The following ARHGEF1 variants were observed in gnomAD, a reference collection of about 807,000 sequenced individuals.
ARHGEF1 encodes 115 kDa guanine nucleotide exchange factor.
A neutral mutation model predicts 119.7 loss-of-function variants in ARHGEF1; 40 were observed. The ratio of observed to expected loss-of-function variants is 0.33; its 90% confidence interval spans 0.26 to 0.44. The LOEUF is 0.44. ARHGEF1 is among the 20% of genes least tolerant of loss of function. The pLI is 1.00. For missense variants in ARHGEF1, 976 were observed against 1,268.3 expected, an observed-to-expected ratio of 0.77 and a Z score of 3.50; for synonymous variants, 494 against 521.0, an observed-to-expected ratio of 0.95 and a Z score of 0.71.
In ARHGEF1 at chr19:41,904,893, G is replaced by T; in HGVS notation, c.2162-56G>T. On this transcript the variant is annotated intron_variant, in intron 22 of 28. Coordinates refer to ENST00000354532, the MANE Select transcript of ARHGEF1 (RefSeq NM_004706.4). The surrounding 1 kb of genome is among the most constrained non-coding windows in gnomAD (Gnocchi z 8.4). The stretch of plus-strand genomic sequence containing the variant: ...GACTTCTCCAGCTTGTGCTTAGGGA[G>T]GGGCAGGCACTGGGGGGACCTGGGC... The T allele has an allele frequency of 4.1e-6, 6 of 1,469,446 alleles. No individual in the cohort carries two copies. Among genetic ancestry groups the T allele is most frequent in the Non-Finnish European group, 5.7e-6 (6 of 1,049,518 alleles). The allele number at this position is 1,469,446 out of a possible 1,614,324, so 91.0% of individuals were successfully genotyped here.
At position 41,902,192 on chromosome 19, in the gene ARHGEF1, C is replaced by G; in HGVS notation, c.1415-82C>G. On this transcript the variant is annotated intron_variant, in intron 15 of 28. Coordinates refer to ENST00000354532, the MANE Select transcript of ARHGEF1 (RefSeq NM_004706.4). The surrounding 1 kb of genome is among the most constrained non-coding windows in gnomAD (Gnocchi z 6.5). ...GATCAGACACAGACACACCTGCAGC[C>G]CTACCCCCACCACACCGCAGCAGGC... 1 of 1,576,186 alleles carries G rather than the reference C, an allele frequency of 6.3e-7. No homozygotes were observed. Among genetic ancestry groups the G allele is most frequent in the Non-Finnish European group, 8.7e-7 (1 of 1,150,204 alleles).
At position 41,904,461 on chromosome 19, in the gene ARHGEF1, C is replaced by A; in HGVS notation, c.2161+78C>A. The stretch of plus-strand genomic sequence containing the variant: ...GCTGCCTGTGGAGTGGGGAGCAGAA[C>A]CCTCTAGAGAGCCAGGGAGCCAGCA... On this transcript the variant is annotated intron_variant, in intron 22 of 28. Coordinates refer to ENST00000354532, the MANE Select transcript of ARHGEF1 (RefSeq NM_004706.4). This position sits in a 1 kb window ranked among gnomAD's most constrained non-coding sequence, Gnocchi z 8.4. 7.0e-7 allele frequency: 1 copy of A among 1,432,528 alleles called. No individual in the cohort carries two copies. 88.7% of individuals were successfully genotyped at this position (1,432,528 alleles called of 1,614,324 possible).
At chr19:41,896,651 C>T (rs1350765885) in intron 13 of ARHGEF1, 169 bp downstream of exon 13, 3 of 707,948 alleles carry the variant, frequency 4.2e-6, no homozygotes, top group Non-Finnish European at 7.7e-6. Context: ...TTCCTTTTCT[C>T]ATCTCCCTCC....
downstream of ARHGEF1, among the ~76,000 whole-genome samples, chr19:41,911,927 C>T (rs780232180): frequency 1.8e-4 from 27 of 151,926 alleles, no homozygotes; most frequent in Non-Finnish European, 2.9e-4. Flanking sequence ...ATGGACCCTA[C>T]GCTGAAAACC....
rs781867501 is a variant in ARHGEF1, at chr19:41,897,346, G to C, written c.1121+864G>C. Reference sequence around the variant, plus strand: ...GAAGAGGTGGGTGCCTGGGCCCTGGGTGGGGGAAGGGCTAGCCCCTCCCCC... The same window carrying C: ...GAAGAGGTGGGTGCCTGGGCCCTGGCTGGGGGAAGGGCTAGCCCCTCCCCC... On this transcript the variant is annotated intron_variant, in intron 13 of 28. Transcript: ENST00000354532. 5 of 1,257,172 alleles carry C rather than the reference G, an allele frequency of 4.0e-6. No homozygotes were observed. In the South Asian group the frequency reaches 6.4e-5, roughly 16 times the overall value. The allele number at this position is 1,257,172 out of a possible 1,614,324, so 77.9% of individuals were successfully genotyped here. A position where few individuals can be genotyped will look rare whatever the true frequency, so the allele number is the denominator to read the frequency against.
chr19:41,906,551 G>A lies in ARHGEF1; in HGVS notation c.2586G>A (p.Leu862=). 11 of 1,588,324 alleles carry A rather than the reference G, an allele frequency of 6.9e-6. No homozygotes were observed. Among genetic ancestry groups the A allele is most frequent in the Non-Finnish European group, 7.7e-6 (9 of 1,173,500 alleles). ...ATGGGGTCCCAGGGGGCGGCCCCCT[G>A]AGCCCAGCACGGACCCAGGAAATCC... The part of the protein sequence containing the change: ...DGDGVPGGGP[L]SPARTQEIQE... The change falls in exon 27 of 29, where the codon CTG becomes CTA. Residue 862 remains leucine, a synonymous_variant. Coordinates refer to ENST00000354532, the MANE Select transcript of ARHGEF1 (RefSeq NM_004706.4). The surrounding 1 kb of genome is among the most constrained non-coding windows in gnomAD (Gnocchi z 4.5).
rs1555847084 is a variant in ARHGEF1 at position 41,894,477 on chromosome 19, G to C, written c.771G>C (p.Glu257Asp). ...TGATGGGGAACCGGCGGTCGGACGA[G>C]CCTGCCAAGACCAAGAAGGGGCTGA... is the stretch of plus-strand genomic sequence containing the variant. ...KKVMGNRRSD[E>D]PAKTKKGLSS... is the part of the protein sequence containing the mutation. Residue 257 changes from glutamate to aspartate, a missense_variant, in exon 10 of 29, where the codon GAG becomes GAC. Physicochemically the swap from Glu to Asp is conservative, Grantham distance 45 (BLOSUM62 2). This residue lies in a region of ARHGEF1 where 519 missense variants were observed against 580.9 expected (regional missense o/e 0.89). Transcript: ENST00000354532. 1.3e-6 allele frequency: 2 copies of C among 1,578,928 alleles called. No individual in the cohort carries two copies. The highest frequency in any genetic ancestry group is 8.6e-7 in the Non-Finnish European group (1 of 1,160,040).
At chr19:41,887,336 G>A (rs138045345) in intron 1 of ARHGEF1, among the ~76,000 whole-genome samples, 25 of 152,198 alleles carry the variant, frequency 1.6e-4, no homozygotes, top group Non-Finnish European at 2.6e-4. Context: ...AGCTGGCTGC[G>A]GACAGACCAA....
At chr19:41,897,300 C>T (rs969040871) in intron 13 of ARHGEF1, 7 of 1,277,722 alleles carry the variant, frequency 5.5e-6, no homozygotes, top group East Asian at 5.8e-5. Context: ...TGACCCTGTG[C>T]CCCTCTCTCC....
chr19:41,909,758 C>A, downstream of ARHGEF1: 1 of 1,284,564 alleles, frequency 7.8e-7, no homozygotes. This position sits in a 1 kb window ranked among gnomAD's most constrained non-coding sequence, Gnocchi z 5.2. Context: ...CAGCCCTGTG[C>A]CTTGTGGGAT....
In ARHGEF1 at chr19:41,889,797, C is replaced by G. The variant is rs1357371484; in HGVS notation, c.225+932C>G. 2 of 152,226 alleles carry G rather than the reference C, an allele frequency of 1.3e-5. No homozygotes were observed. The highest frequency in any genetic ancestry group is 2.9e-5 in the Non-Finnish European group (2 of 68,054). 9.4% of individuals were successfully genotyped at this position (152,226 alleles called of 1,614,324 possible). On this transcript the variant is annotated intron_variant, in intron 4 of 28. Transcript: ENST00000354532. This position sits in a 1 kb window ranked among gnomAD's most constrained non-coding sequence, Gnocchi z 4.0. Reference sequence around the variant, plus strand: ...GAAAATTAGGAAATTGCAGTCTTTCCCCTGTCTACATTCTCTTTCCAGAAG... The same window carrying G: ...GAAAATTAGGAAATTGCAGTCTTTCGCCTGTCTACATTCTCTTTCCAGAAG...
rs1695247753 is a variant in ARHGEF1 at position 41,907,273 on chromosome 19, C to T, written c.*186C>T. 3 of 1,527,604 alleles carry T rather than the reference C, an allele frequency of 2.0e-6. No homozygotes were observed. Among genetic ancestry groups the T allele is most frequent in the Non-Finnish European group, 2.6e-6 (3 of 1,142,148 alleles). 94.6% of individuals were successfully genotyped at this position (1,527,604 alleles called of 1,614,324 possible). A position where few individuals can be genotyped will look rare whatever the true frequency, so the allele number is the denominator to read the frequency against. On this transcript the variant is annotated 3_prime_UTR_variant, in exon 29 of 29. Coordinates refer to ENST00000354532, the MANE Select transcript of ARHGEF1 (RefSeq NM_004706.4). ...GGCCCCGCATGAGCCTCGGCCATCT[C>T]TCCCTCCTGCCCTCTGCTTGGGGGA...
intron 4 of ARHGEF1, 36 bp from the exon 5 acceptor site, chr19:41,891,989 G>T: frequency 6.5e-7 from 1 of 1,542,960 alleles, no homozygotes; most frequent in East Asian, 2.3e-5. Context: ...GAGGCAGGGT[G>T]AGGGAGCGGA....
upstream of ARHGEF1, among the ~76,000 whole-genome samples, chr19:41,922,127 A>C (rs781855680): frequency 6.6e-6 from 1 of 151,994 alleles, no homozygotes; most frequent in Admixed American, 6.5e-5. Flanking sequence ...TGTGGTGTAC[A>C]CCAGAACCAG....
intron 12 of ARHGEF1, among the ~76,000 whole-genome samples, chr19:41,895,753 AC>A (rs1157446686): frequency 1.3e-5 from 2 of 151,712 alleles, no homozygotes; most frequent in Admixed American, 1.3e-4. Context: ...TTTTCCATCA[AC>A]CCTTCCTTTT....
intron 4 of ARHGEF1, chr19:41,890,350 A>G (rs540941402): frequency 2.6e-4 from 39 of 151,392 alleles, no homozygotes; most frequent in African/African-American, 9.2e-4. Flanking sequence ...TGTCTTGAAA[A>G]AAAAAAAAAA....
intron 13 of ARHGEF1, chr19:41,897,007 C>T (rs782308957): frequency 4.6e-6 from 2 of 433,850 alleles, no homozygotes; most frequent in South Asian, 1.6e-5. Flanking sequence ...TTTTCTTTCC[C>T]CACCTTCCAT....
chr19:41,892,269 C>T lies in ARHGEF1; in HGVS notation c.325-62C>T, dbSNP rs1555846344. On this transcript the variant is annotated intron_variant, in intron 5 of 28. Coordinates refer to ENST00000354532, the MANE Select transcript of ARHGEF1 (RefSeq NM_004706.4). The surrounding 1 kb of genome is among the most constrained non-coding windows in gnomAD (Gnocchi z 6.3). ...GCTTAGACCAGGGTTCCTGGCAGTC[C>T]TCCCGGCCTGCATCTCAGCACACCA... is the stretch of plus-strand genomic sequence containing the variant. 1.2e-6 allele frequency: 2 copies of T among 1,607,084 alleles called. No individual in the cohort carries two copies. The highest frequency in any genetic ancestry group is 1.7e-6 in the Non-Finnish European group (2 of 1,175,784).
chr19:41,909,469 TA>T, downstream of ARHGEF1: 1 of 1,243,292 alleles, frequency 8.0e-7, no homozygotes, highest in Non-Finnish European at 1.0e-6. The surrounding 1 kb of genome is among the most constrained non-coding windows in gnomAD (Gnocchi z 5.2). Context: ...GTTGTAGTAG[TA>T]ACTGTGGGGA....
Sources: gnomAD v4.1 joint callset for allele counts (sites outside exome capture counted in the v4.1 genomes callset) on GRCh38, gnomAD v4.1.1 for gene constraint, gnomAD v4.1.1 regional missense constraint, Gnocchi (gnomAD v3.1) non-coding constraint, MANE v1.5 for transcripts, NCBI Gene and HGNC (gene_info 2026-07-23, HGNC 2026-07-21) for gene names.